Variants in SIPA1 observed in about 807,000 individuals in gnomAD.
SIPA1 encodes signal-induced proliferation-associated 1.
SIPA1 carries 51 observed loss-of-function variants against 88.1 expected under a neutral mutation model. The observed-to-expected ratio is 0.58, with a 90% CI of 0.46 to 0.73. The LOEUF (loss-of-function observed/expected upper bound fraction) is 0.73, where lower values mean the gene tolerates loss of function less well. SIPA1 is among the 30% of genes least tolerant of loss of function. SIPA1 has a pLI of 0.00. For synonymous variants in SIPA1, 681 were observed against 664.8 expected, an observed-to-expected ratio of 1.02 and a Z score of -0.37; for missense variants, 1,348 against 1,467.6, an observed-to-expected ratio of 0.92 and a Z score of 1.33.
At chr11:65,649,049 G>A (rs1183167644) in intron 9 of SIPA1, 3 of 516,704 alleles carry the variant, frequency 5.8e-6, no homozygotes, top group African/African-American at 3.8e-5. Context: ...TTGATGTTCA[G>A]AGTGATTTGC....
chr11:65,638,767 G>C (rs908293219), intron 1 of SIPA1, among the ~76,000 whole-genome samples: 5 of 152,222 alleles, frequency 3.3e-5, no homozygotes, highest in Non-Finnish European at 5.9e-5. Context: ...GAAGCTTCAG[G>C]GTGGGGGGCA....
chr11:65,649,466 G>A lies in SIPA1; in HGVS notation c.2511G>A (p.Ser837=). The part of the protein sequence containing the change: ...ERTEFLHSQN[S]LSPRSSLSDE... ...CTGAGTTCCTGCACAGCCAGAACTC[G>A]CTGTCACCACGCAGGTGCACACTCT... is the stretch of plus-strand genomic sequence containing the variant. Residue 837 remains serine (S), a synonymous_variant, in exon 10 of 16, where the codon TCG becomes TCA. Transcript: ENST00000534313. 1.9e-6 allele frequency: 3 copies of A among 1,612,414 alleles called. No homozygotes were observed. The highest frequency in any genetic ancestry group is 2.5e-6 in the Non-Finnish European group (3 of 1,179,190).
chr11:65,643,623 G>A (rs1009870865), intron 4 of SIPA1, among the ~76,000 whole-genome samples: 2 of 152,212 alleles, frequency 1.3e-5, no homozygotes, highest in African/African-American at 4.8e-5. Flanking sequence ...AATGTTGAGG[G>A]CTGCCTGGGC....
Position 65,646,373 on chromosome 11 carries a change from C to T in SIPA1, c.1416C>T (p.Thr472=), listed in dbSNP as rs1474685806. 6.2e-7 allele frequency: 1 copy of T among 1,610,804 alleles called. No individual in the cohort carries two copies. The change falls in exon 7 of 16, where the codon ACC becomes ACT. Residue 472 remains threonine, a synonymous_variant. Transcript: ENST00000534313. The surrounding 1 kb of genome is among the most constrained non-coding windows in gnomAD (Gnocchi z 7.5). ...RAHTPCTPHT[T]YRVAVSRTQD... ...ACACACCCTGCACGCCACACACCAC[C>T]TACAGGTGGGCACCGGAGTGGTCCC... is the stretch of plus-strand genomic sequence containing the variant.
Position 65,646,968 on chromosome 11 carries a change from A to G in SIPA1, c.1934A>G (p.Gln645Arg). ...RDVLAWTFSE[Q>R]QLDLYHGRGE... The stretch of plus-strand genomic sequence containing the variant: ...GTGCTGGCCTGGACCTTCTCCGAGC[A>G]GCAGCTGGACCTGTACCACGGCCGC... Residue 645 changes from glutamine (Q) to arginine (R), a missense_variant, in exon 8 of 16, where the codon CAG (glutamine) becomes CGG (arginine). Physicochemically the swap from Gln to Arg is conservative, Grantham distance 43 (BLOSUM62 1). Coordinates refer to ENST00000534313, the MANE Select transcript of SIPA1 (RefSeq NM_006747.4). The surrounding 1 kb of genome is among the most constrained non-coding windows in gnomAD (Gnocchi z 7.5). 6.5e-7 allele frequency: 1 copy of G among 1,540,218 alleles called. No homozygotes were observed. Among genetic ancestry groups the G allele is most frequent in the Non-Finnish European group, 8.7e-7 (1 of 1,148,718 alleles).
intron 8 of SIPA1, 83 bp from the exon 9 acceptor site, chr11:65,647,301 G>A: frequency 7.3e-7 from 1 of 1,369,944 alleles, no homozygotes; most frequent in Non-Finnish European, 9.4e-7. Context: ...GTTCCGTGTG[G>A]CCTGGGACGC....
At position 65,642,153 on chromosome 11, in the gene SIPA1, A is replaced by G; in HGVS notation, c.680-97A>G. On this transcript the variant is annotated intron_variant, in intron 2 of 15. Coordinates refer to ENST00000534313, the MANE Select transcript of SIPA1 (RefSeq NM_006747.4). This position sits in a 1 kb window ranked among gnomAD's most constrained non-coding sequence, Gnocchi z 6.5. ...TCTAGGGTCAACATTTGGTGGTGAG[A>G]TGAAGCCTAGGGCGGGGCTTAGTGA... 1 of 1,479,306 alleles carries G rather than the reference A, an allele frequency of 6.8e-7. No homozygotes were observed. The highest frequency in any genetic ancestry group is 9.0e-7 in the Non-Finnish European group (1 of 1,104,998). 91.6% of individuals were successfully genotyped at this position (1,479,306 alleles called of 1,614,324 possible).
In SIPA1 at chr11:65,646,131, C is replaced by T; in HGVS notation, c.1264-90C>T. 6.8e-7 allele frequency: 1 copy of T among 1,479,098 alleles called. No individual in the cohort carries two copies. 91.6% of individuals were successfully genotyped at this position (1,479,098 alleles called of 1,614,324 possible). On this transcript the variant is annotated intron_variant, in intron 6 of 15. Transcript: ENST00000534313. This position sits in a 1 kb window ranked among gnomAD's most constrained non-coding sequence, Gnocchi z 7.5. Reference sequence around the variant, plus strand: ...GTCTTCACCAGGGGCAGTGGGGGAGCCATTGGTGCCTTGGCTTTCTCCTGC... The same window carrying T: ...GTCTTCACCAGGGGCAGTGGGGGAGTCATTGGTGCCTTGGCTTTCTCCTGC...
intron 9 of SIPA1, among the ~76,000 whole-genome samples, chr11:65,648,998 A>G (rs1344182665): frequency 2.0e-5 from 3 of 152,202 alleles, no homozygotes; most frequent in Admixed American, 6.5e-5. Flanking sequence ...ACAGCACACT[A>G]TGAGGTTCGT....
chr11:65,641,068 A>G lies in SIPA1; in HGVS notation c.147A>G (p.Pro49=), dbSNP rs2135507187. Residue 49 remains proline (P), a synonymous_variant, in exon 2 of 16, where the codon CCA becomes CCG. Transcript: ENST00000534313. ...HTFEPRPVRG[P]LLRSGSDAGE... is the part of the protein sequence containing the mutation. ...TCGAGCCGAGGCCAGTCCGGGGCCCACTCCTGCGCAGCGGCAGCGATGCAG... is the reference window on the plus strand; with the variant it reads ...TCGAGCCGAGGCCAGTCCGGGGCCCGCTCCTGCGCAGCGGCAGCGATGCAG... 3 of 1,598,222 alleles carry G rather than the reference A, an allele frequency of 1.9e-6. No homozygotes were observed. The highest frequency in any genetic ancestry group is 1.1e-5 in the South Asian group (1 of 90,610).
At chr11:65,644,105 G>T (rs756326822) in intron 4 of SIPA1, among the ~76,000 whole-genome samples, 1 of 151,964 alleles carries the variant, frequency 6.6e-6, no homozygotes, top group Non-Finnish European at 1.5e-5. Flanking sequence ...CAGGAGTGGT[G>T]GTTTAAGGAG....
chr11:65,645,789 G>T (rs1353789051), intron 5 of SIPA1, 65 bp from the exon 6 acceptor site: 22 of 1,166,366 alleles, frequency 1.9e-5, no homozygotes, highest in Non-Finnish European at 2.6e-5. Context: ...GGCAGGAATG[G>T]CAAGTTCAAG....
chr11:65,641,402 G>T lies in SIPA1; in HGVS notation c.481G>T (p.Gly161Trp). The change falls in exon 2 of 16, where the codon GGG becomes TGG. Residue 161 changes from glycine (G) to tryptophan (W), a missense_variant. Gly to Trp is a radical substitution (Grantham distance 184). This residue lies in a region of SIPA1 where 641 missense variants were observed against 797.7 expected (regional missense o/e 0.80). Transcript: ENST00000534313. Reference protein sequence around the residue: ...DQAASSDLLHGAPGFVCELGG... With the variant: ...DQAASSDLLHWAPGFVCELGG... Reference sequence around the variant, plus strand: ...GGCTGCCAGCTCGGACCTGCTGCATGGGGCACCTGGCTTTGTGTGTGAGCT... The same window carrying T: ...GGCTGCCAGCTCGGACCTGCTGCATTGGGCACCTGGCTTTGTGTGTGAGCT... 6.2e-7 allele frequency: 1 copy of T among 1,613,130 alleles called. No homozygotes were observed.
chr11:65,647,560 G>C lies in SIPA1; in HGVS notation c.2208G>C (p.Leu736=), dbSNP rs1191009281. The change falls in exon 9 of 16, where the codon CTG becomes CTC. Residue 736 remains leucine (L), a synonymous_variant. Transcript: ENST00000534313. ...TCCTGCGCGTGTGCGGCCAGACTCT[G>C]CCCAGCCTCCGGCCCGAGGCCGCTG... ...ARLLRVCGQT[L]PSLRPEAAAQ... The C allele has an allele frequency of 1.5e-6, 2 of 1,328,386 alleles. No individual in the cohort carries two copies. Among genetic ancestry groups the C allele is most frequent in the Admixed American group, 4.1e-5 (1 of 24,278 alleles). 82.3% of individuals were successfully genotyped at this position (1,328,386 alleles called of 1,614,324 possible). A position where few individuals can be genotyped will look rare whatever the true frequency, so the allele number is the denominator to read the frequency against.
intron 1 of SIPA1, among the ~76,000 whole-genome samples, chr11:65,640,545 G>T (rs7101552): frequency 0.03 from 4,584 of 152,340 alleles, 230 homozygotes; most frequent in African/African-American, 0.1. Context: ...CAAAGCTAAG[G>T]TGTGTGGGTG....
In SIPA1 at chr11:65,646,673, A is replaced by G. The variant is rs1013776614; in HGVS notation, c.1639A>G (p.Thr547Ala). 26 of 1,544,356 alleles carry G rather than the reference A, an allele frequency of 1.7e-5. No individual in the cohort carries two copies. The highest frequency in any genetic ancestry group is 9.6e-5 in the African/African-American group (7 of 73,046). The change falls in exon 8 of 16, where the codon ACG becomes GCG. Residue 547 changes from threonine (T) to alanine (A), a missense_variant. Thr to Ala is a moderately conservative substitution (Grantham distance 58). Transcript: ENST00000534313. This position sits in a 1 kb window ranked among gnomAD's most constrained non-coding sequence, Gnocchi z 7.5. The stretch of plus-strand genomic sequence containing the variant: ...CCTGGCCACCAACGAGGTGACCACT[A>G]CGTCGCTGGACTCGGCTTCACGCTT... ...QDLATNEVTT[T>A]SLDSASRFGL...
Position 65,650,151 on chromosome 11 carries a change from A to G in SIPA1, c.2862A>G (p.Pro954=). ...ESLSREGQPI[P]ESGDPKGTPK... is the part of the protein sequence containing the mutation. ...TTGTCCCCACAGGACAGCCCATCCC[A>G]GAGAGTGGAGACCCTAAGGGAACTC... Residue 954 remains proline (P), a synonymous_variant, in exon 14 of 16, where the codon CCA becomes CCG. Transcript: ENST00000534313. The G allele has an allele frequency of 6.2e-7, 1 of 1,614,026 alleles. No individual in the cohort carries two copies. Among genetic ancestry groups the G allele is most frequent in the Middle Eastern group, 1.6e-4 (1 of 6,062 alleles).
In SIPA1 at chr11:65,642,677, G is replaced by A. The variant is rs367607867; in HGVS notation, c.984+38G>A. ...CCGCGGAGCCCCCAGCCATACAGCT[G>A]GCCCCAGTCTGAACCCAGCCTGCCC... On this transcript the variant is annotated intron_variant, in intron 4 of 15. Coordinates refer to ENST00000534313, the MANE Select transcript of SIPA1 (RefSeq NM_006747.4). This position sits in a 1 kb window ranked among gnomAD's most constrained non-coding sequence, Gnocchi z 6.5. 32 of 1,478,918 alleles carry A rather than the reference G, an allele frequency of 2.2e-5. No homozygotes were observed. The East Asian group carries it at 6.4e-4, about 30-fold the overall frequency. The allele number at this position is 1,478,918 out of a possible 1,614,324, so 91.6% of individuals were successfully genotyped here.
At chr11:65,647,727 G>T in intron 9 of SIPA1, 69 bp downstream of exon 9, 1 of 1,219,588 alleles carries the variant, frequency 8.2e-7, no homozygotes. Flanking sequence ...TGCGCCTCCC[G>T]GGTCGCCATC....
Sources: gnomAD v4.1 joint callset for allele counts (sites outside exome capture counted in the v4.1 genomes callset) on GRCh38, gnomAD v4.1.1 for gene constraint, gnomAD v4.1.1 regional missense constraint, Gnocchi (gnomAD v3.1) non-coding constraint, MANE v1.5 for transcripts, NCBI Gene and HGNC (gene_info 2026-07-23, HGNC 2026-07-21) for gene names.